The following PCDH15 variants were observed in gnomAD, a reference collection of about 807,000 sequenced individuals.
The protein encoded by PCDH15 is protocadherin related 15.
A neutral mutation model predicts 178.5 loss-of-function variants in PCDH15; 129 were observed. The observed-to-expected ratio is 0.72, with a 90% CI of 0.63 to 0.84. The LOEUF (loss-of-function observed/expected upper bound fraction) is 0.84, where lower values mean the gene tolerates loss of function less well. Among genes scored for constraint, PCDH15 ranks in the 40% least tolerant of loss-of-function variants. PCDH15 has a pLI of 0.00. For synonymous variants in PCDH15, 800 were observed against 732.0 expected (o/e 1.09, Z -1.50); for missense variants, 2,230 against 2,099.9 (o/e 1.06, Z -1.21).
intron 1 of PCDH15, among the ~76,000 whole-genome samples, chr10:54,789,766 A>G (rs890579983): frequency 6.6e-6 from 1 of 151,974 alleles, no homozygotes; most frequent in African/African-American, 2.4e-5. Context: ...TTTCTTCCAC[A>G]TAGCTCAGTT....
At chr10:55,584,517 C>T (rs1420776561) in intron 2 of PCDH15, among the ~76,000 whole-genome samples, 3 of 151,432 alleles carry the variant, frequency 2.0e-5, no homozygotes, top group Admixed American at 1.3e-4. Flanking sequence ...ATTAGCTAGG[C>T]GTGGTGGTGG....
chr10:55,106,367 TAAG>T (rs893668679), intron 2 of PCDH15, among the ~76,000 whole-genome samples: 2 of 152,172 alleles, frequency 1.3e-5, no homozygotes, highest in Non-Finnish European at 2.9e-5. Context: ...AACTATAGAA[TAAG>T]AAGATATGAA....
chr10:54,851,208 A>G (rs1349454640), intron 3 of PCDH15, among the ~76,000 whole-genome samples: 1 of 152,162 alleles, frequency 6.6e-6, no homozygotes, highest in African/African-American at 2.4e-5. Context: ...GCATGCCTGT[A>G]TCAAAACATC....
chr10:55,428,771 T>C (rs1468399317), intron 2 of PCDH15, among the ~76,000 whole-genome samples: 1 of 152,010 alleles, frequency 6.6e-6, no homozygotes, highest in African/African-American at 2.4e-5. Flanking sequence ...TATTAAAATA[T>C]TTTTGTTATT....
At chr10:54,630,803 C>T (rs907450083) in intron 2 of PCDH15, among the ~76,000 whole-genome samples, 1 of 151,988 alleles carries the variant, frequency 6.6e-6, no homozygotes, top group Admixed American at 6.6e-5. Context: ...TTAAACAATT[C>T]AAAAGTGAAA....
intron 2 of PCDH15, among the ~76,000 whole-genome samples, chr10:55,368,065 G>A (rs1314473802): frequency 2.0e-5 from 3 of 151,994 alleles, no homozygotes; most frequent in East Asian, 1.9e-4. Flanking sequence ...ACTTATAATA[G>A]GATGGTCCAA....
At chr10:53,879,270 T>G (rs1358167843) in intron 26 of PCDH15, among the ~76,000 whole-genome samples, 1 of 152,164 alleles carries the variant, frequency 6.6e-6, no homozygotes, top group African/African-American at 2.4e-5. Flanking sequence ...AAAGAATAAA[T>G]CTGCCACTGA....
At chr10:55,224,615 T>G (rs893140536) in intron 1 of PCDH15, among the ~76,000 whole-genome samples, 13 of 152,124 alleles carry the variant, frequency 8.5e-5, no homozygotes, top group African/African-American at 3.1e-4. Flanking sequence ...GCCCTGAGTA[T>G]AAGGCTCTTT....
intron 28 of PCDH15, among the ~76,000 whole-genome samples, chr10:53,852,539 G>C (rs1472450179): frequency 1.3e-5 from 2 of 152,048 alleles, no homozygotes; most frequent in East Asian, 1.9e-4. Flanking sequence ...GTGAGGTGAG[G>C]AGTAATCATT....
intron 2 of PCDH15, among the ~76,000 whole-genome samples, chr10:55,092,736 A>T (rs1049854393): frequency 1.3e-5 from 2 of 151,932 alleles, no homozygotes; most frequent in Non-Finnish European, 2.9e-5. Flanking sequence ...GTTTGTTTCT[A>T]TTCTCTTTGT....
intron 2 of PCDH15, among the ~76,000 whole-genome samples, chr10:55,430,197 G>A (rs1838849976): frequency 6.6e-6 from 1 of 152,086 alleles, no homozygotes; most frequent in African/African-American, 2.4e-5. Flanking sequence ...AGGCACATGT[G>A]GGAGGATGAC....
chr10:55,175,663 C>CAAAAA (rs71014459), intron 1 of PCDH15, among the ~76,000 whole-genome samples: 26 of 106,670 alleles, frequency 2.4e-4, no homozygotes, highest in Non-Finnish European at 3.2e-4. Context: ...GACTCTGTCT[C>CAAAAA]AAAAAAAAAA....
intron 2 of PCDH15, among the ~76,000 whole-genome samples, chr10:55,379,813 AAG>A (rs1565077668): frequency 6.6e-6 from 1 of 152,096 alleles, no homozygotes; most frequent in Admixed American, 6.6e-5. Flanking sequence ...ACAGGGAAAA[AAG>A]AGGGGGAAAC....
At chr10:54,570,817 A>AATTTTTTTTTTT (rs571170500) in intron 2 of PCDH15, among the ~76,000 whole-genome samples, 23 of 9,960 alleles carry the variant, frequency 2.3e-3, no homozygotes, top group Non-Finnish European at 2.9e-3. Flanking sequence ...ACGCCTGGCT[A>AATTTTTTTTTTT]TTTTTTTTTT....
chr10:54,600,717 G>A (rs2092481676), intron 2 of PCDH15: 3 of 534,376 alleles, frequency 5.6e-6, no homozygotes, highest in South Asian at 2.9e-5. Flanking sequence ...TAAGCCATAC[G>A]ACAATTTCAA....
chr10:55,202,220 C>T (rs761316523), intron 1 of PCDH15, among the ~76,000 whole-genome samples: 5 of 152,022 alleles, frequency 3.3e-5, no homozygotes, highest in African/African-American at 7.3e-5. Flanking sequence ...ACTTCATCTA[C>T]GCAGAGCCAG....
At chr10:54,481,301 C>T (rs867146949) in intron 3 of PCDH15, among the ~76,000 whole-genome samples, 11 of 151,420 alleles carry the variant, frequency 7.3e-5, no homozygotes, top group Admixed American at 2.0e-4. Flanking sequence ...ATCGGTCTGG[C>T]GCTACTGGAA....
intron 2 of PCDH15, among the ~76,000 whole-genome samples, chr10:55,551,767 A>C (rs963710778): frequency 4.0e-5 from 6 of 151,704 alleles, no homozygotes; most frequent in Non-Finnish European, 5.9e-5. Context: ...AGTATTTTAA[A>C]ATTGCATGTA....
intron 1 of PCDH15, among the ~76,000 whole-genome samples, chr10:55,280,579 G>A (rs1232196540): frequency 6.6e-6 from 1 of 150,942 alleles, no homozygotes; most frequent in African/African-American, 2.4e-5. Context: ...GTGAGCCACC[G>A]TGCCAGGCCT....
Sources: allele counts gnomAD v4.1 joint callset (sites outside exome capture counted in the v4.1 genomes callset), GRCh38; gene constraint gnomAD v4.1.1; transcripts MANE v1.5; gene names NCBI Gene and HGNC (gene_info 2026-07-23, HGNC 2026-07-21).